The following GRIK4 variants were observed in gnomAD, a reference collection of about 807,000 sequenced individuals.
GRIK4 encodes the protein glutamate ionotropic receptor kainate type subunit 4, also known as glutamate receptor ionotropic, kainate 4.
A neutral mutation model predicts 104.9 loss-of-function variants in GRIK4; 40 were observed. The observed-to-expected ratio is 0.38, with a 90% CI of 0.30 to 0.50. The LOEUF is 0.50. Ranked by LOEUF, GRIK4 falls within the 20% of genes least tolerant of loss-of-function variation. The pLI, the probability that GRIK4 is intolerant of heterozygous loss-of-function variation, is 0.93. For missense variants in GRIK4, 1,047 were observed against 1,308.1 expected (o/e 0.80, Z 3.08); for synonymous variants, 485 against 524.9 (o/e 0.92, Z 1.04).
intron 11 of GRIK4, among the ~76,000 whole-genome samples, chr11:120,892,346 G>A (rs924512952): frequency 4.6e-5 from 7 of 152,194 alleles, no homozygotes; most frequent in Non-Finnish European, 1.0e-4. Context: ...GAATTGAAGG[G>A]TTTTAAGCAG....
At chr11:120,920,642 G>T (rs759738925) in intron 13 of GRIK4, among the ~76,000 whole-genome samples, 1 of 151,538 alleles carries the variant, frequency 6.6e-6, no homozygotes, top group Non-Finnish European at 1.5e-5. Context: ...AGGAGGTGGG[G>T]GTGTCTGAGC....
At chr11:120,554,358 G>A (rs745818961) in intron 1 of GRIK4, among the ~76,000 whole-genome samples, 2 of 152,184 alleles carry the variant, frequency 1.3e-5, no homozygotes, top group Admixed American at 6.5e-5. Flanking sequence ...CGTAGTAAGT[G>A]CAGGTGGGGT....
intron 1 of GRIK4, chr11:120,564,755 G>A (rs1283900298): frequency 1.3e-5 from 2 of 152,340 alleles, no homozygotes; most frequent in Non-Finnish European, 2.9e-5. Context: ...CGGAGCGCGC[G>A]GAGGTGGCTG....
intron 1 of GRIK4, among the ~76,000 whole-genome samples, chr11:120,638,158 G>A (rs1949422935): frequency 6.6e-6 from 1 of 152,096 alleles, no homozygotes; most frequent in Non-Finnish European, 1.5e-5. Flanking sequence ...AGGATTACAG[G>A]CATGAGCCAC....
At chr11:120,888,740 C>T (rs184955290) in intron 11 of GRIK4, among the ~76,000 whole-genome samples, 6 of 152,260 alleles carry the variant, frequency 3.9e-5, no homozygotes, top group Non-Finnish European at 7.3e-5. Context: ...CTATATGTAA[C>T]TGAAACCAAA....
intron 3 of GRIK4, among the ~76,000 whole-genome samples, chr11:120,790,326 A>G (rs1392493164): frequency 6.6e-6 from 1 of 152,222 alleles, no homozygotes; most frequent in East Asian, 1.9e-4. Context: ...AAAGCAAACG[A>G]TTAAGTACTA....
chr11:120,827,880 G>T (rs976342655), intron 6 of GRIK4, among the ~76,000 whole-genome samples: 11 of 152,152 alleles, frequency 7.2e-5, no homozygotes, highest in African/African-American at 2.7e-4. Flanking sequence ...CTCATGGGCA[G>T]CCCACTGCAT....
chr11:120,639,088 C>T (rs1053007145), intron 1 of GRIK4, among the ~76,000 whole-genome samples: 1 of 151,970 alleles, frequency 6.6e-6, no homozygotes, highest in East Asian at 1.9e-4. Flanking sequence ...ATCGCCCACT[C>T]AGGAGTGGAG....
intron 13 of GRIK4, among the ~76,000 whole-genome samples, chr11:120,915,421 C>T (rs969504059): frequency 2.0e-5 from 3 of 152,226 alleles, no homozygotes; most frequent in South Asian, 2.1e-4. Flanking sequence ...ATGTCTGTAT[C>T]GGCTGCCAGG....
At chr11:120,943,155 C>T (rs916478097) in intron 14 of GRIK4, among the ~76,000 whole-genome samples, 3 of 4,946 alleles carry the variant, frequency 6.1e-4, no homozygotes, top group Non-Finnish European at 1.3e-3. Context: ...CACACACCCC[C>T]CTGACTGTTT....
At chr11:120,949,610 AG>A (rs1943950266) in intron 14 of GRIK4, among the ~76,000 whole-genome samples, 1 of 152,190 alleles carries the variant, frequency 6.6e-6, no homozygotes, top group Admixed American at 6.5e-5. Context: ...GAGTACTCTA[AG>A]GGGGTGTGTA....
intron 3 of GRIK4, among the ~76,000 whole-genome samples, chr11:120,703,543 C>T (rs540062642): frequency 1.3e-5 from 2 of 151,664 alleles, no homozygotes; most frequent in East Asian, 3.9e-4. Context: ...GTTGGGCTTA[C>T]AGGAGTAAGG....
At chr11:120,601,645 TG>T (rs1173955007) in intron 1 of GRIK4, among the ~76,000 whole-genome samples, 6 of 102,978 alleles carry the variant, frequency 5.8e-5, no homozygotes, top group Admixed American at 2.2e-4. Flanking sequence ...GTTGTGTGTG[TG>T]GTTTTTTTTT....
At chr11:120,957,591 ATGTGTGTG>A (rs72064502) in intron 16 of GRIK4, among the ~76,000 whole-genome samples, 5 of 136,436 alleles carry the variant, frequency 3.7e-5, no homozygotes, top group Non-Finnish European at 6.2e-5. Context: ...GACAAAACAA[ATGTGTGTG>A]TGTGTGTGTG....
chr11:120,572,952 G>A lies in GRIK4; in HGVS notation c.-159+61065G>A, dbSNP rs185509863. Among the ~76,000 whole-genome samples, 17 of 152,330 alleles carry A rather than the reference G, an allele frequency of 1.1e-4. No individual in the cohort carries two copies. In the South Asian group the frequency reaches 1.7e-3, roughly 15 times the overall value. On this transcript the variant is annotated intron_variant, in intron 1 of 20. Transcript: ENST00000527524. Reference sequence around the variant, plus strand: ...AAATTAGACCATTGGACCCAAAGCCGTTGAGAGGTAACCATACTCCATTCA... The same window carrying A: ...AAATTAGACCATTGGACCCAAAGCCATTGAGAGGTAACCATACTCCATTCA...
At chr11:120,921,062 T>G (rs1003547191) in intron 13 of GRIK4, among the ~76,000 whole-genome samples, 2 of 152,176 alleles carry the variant, frequency 1.3e-5, no homozygotes, top group Non-Finnish European at 1.5e-5. Flanking sequence ...ATTATCTCTG[T>G]CTAAGCCTGG....
At chr11:120,831,712 T>C (rs1048035112) in intron 6 of GRIK4, 140 bp from the exon 7 acceptor site, 16 of 601,134 alleles carry the variant, frequency 2.7e-5, no homozygotes, top group Non-Finnish European at 4.4e-5. Context: ...GGTTATGATC[T>C]GTCTCCTTAA....
chr11:120,558,236 G>A (rs762698778), intron 1 of GRIK4, among the ~76,000 whole-genome samples: 1 of 152,132 alleles, frequency 6.6e-6, no homozygotes, highest in Non-Finnish European at 1.5e-5. Flanking sequence ...AGCACATGAA[G>A]TGTCAGTACT....
At chr11:120,982,012 A>G in intron 19 of GRIK4, 94 bp from the exon 20 acceptor site, 1 of 860,774 alleles carries the variant, frequency 1.2e-6, no homozygotes, top group Non-Finnish European at 2.0e-6. Context: ...ACCATACTCA[A>G]GTTCTTGTTT....
Sources: allele counts gnomAD v4.1 joint callset (sites outside exome capture counted in the v4.1 genomes callset), GRCh38; gene constraint gnomAD v4.1.1; transcripts MANE v1.5; gene names NCBI Gene and HGNC (gene_info 2026-07-23, HGNC 2026-07-21).